PAK5: variants seen among roughly 807,000 people sequenced by gnomAD.
PAK5 encodes serine/threonine-protein kinase PAK 5.
PAK5 carries 16 observed loss-of-function variants against 65.9 expected under a neutral mutation model. The observed-to-expected ratio is 0.24, with a 90% CI of 0.16 to 0.37. The LOEUF (loss-of-function observed/expected upper bound fraction) is 0.37. Ranked by LOEUF, PAK5 falls within the 10% of genes least tolerant of loss-of-function variation. The pLI is 1.00. For missense variants in PAK5, 785 were observed against 903.9 expected (o/e 0.87, Z 1.69); for synonymous variants, 371 against 354.9 (o/e 1.05, Z -0.51).
rs529837674 is a variant in PAK5, at chr20:9,537,684, A to G, written c.*1778T>C. The G allele has an allele frequency of 1.4e-5, 3 of 220,094 alleles. No individual in the cohort carries two copies. The highest frequency in any genetic ancestry group is 6.7e-5 in the African/African-American group (3 of 44,620). 13.6% of individuals were successfully genotyped at this position (220,094 alleles called of 1,614,324 possible). On this transcript the variant is annotated 3_prime_UTR_variant, in exon 10 of 10. Transcript: ENST00000353224. ...TAAATTAATACAATCTGTCTCATGA[A>G]CATTTAGGACTGCCATTTTCTGGAT... is the stretch of plus-strand genomic sequence containing the variant.
chr20:9,694,779 T>C (rs2047846102), intron 2 of PAK5, among the ~76,000 whole-genome samples: 3 of 152,118 alleles, frequency 2.0e-5, no homozygotes, highest in African/African-American at 7.2e-5. Context: ...TACCATAATT[T>C]GTAAGTTCAT....
intron 2 of PAK5, among the ~76,000 whole-genome samples, chr20:9,675,746 C>CTTCTTTAGAAA (rs1185924800): frequency 3.9e-5 from 6 of 152,114 alleles, no homozygotes; most frequent in African/African-American, 1.4e-4. Context: ...AGGCATGTTT[C>CTTCTTTAGAAA]TAAAGAAGAA....
At chr20:9,744,429 T>C (rs2048484251) in intron 1 of PAK5, among the ~76,000 whole-genome samples, 2 of 152,326 alleles carry the variant, frequency 1.3e-5, no homozygotes, top group South Asian at 4.1e-4. Context: ...AAGAGCTAGA[T>C]CATTTAAGCT....
At chr20:9,679,997 C>T (rs2047628101) in intron 2 of PAK5, among the ~76,000 whole-genome samples, 1 of 152,154 alleles carries the variant, frequency 6.6e-6, no homozygotes, top group Non-Finnish European at 1.5e-5. Flanking sequence ...GTAATCTAGG[C>T]CTGTCCTCCT....
At position 9,825,780 on chromosome 20, in the gene PAK5, C is replaced by G. The variant is rs995329933; in HGVS notation, c.-162+12982G>C. ...CTAGGATAAAATTTTTAAAATGCAT[C>G]TTTCTAAAATGTCATTTGCGTTATA... is the stretch of plus-strand genomic sequence containing the variant. On this transcript the variant is annotated intron_variant, in intron 1 of 9. Coordinates refer to ENST00000353224, the MANE Select transcript of PAK5 (RefSeq NM_177990.4). 9.9e-5 allele frequency among the ~76,000 whole-genome samples: 15 copies of G among 151,994 alleles called. 1 individual carries two copies. Among genetic ancestry groups the G allele is most frequent in the Admixed American group, 9.2e-4 (14 of 15,242 alleles).
intron 1 of PAK5, among the ~76,000 whole-genome samples, chr20:9,785,437 T>C (rs2048982448): frequency 6.6e-6 from 1 of 152,218 alleles, no homozygotes; most frequent in African/African-American, 2.4e-5. Context: ...ATGTGCTAGC[T>C]CAACTGAAAG....
intron 1 of PAK5, among the ~76,000 whole-genome samples, chr20:9,757,309 T>C (rs959478485): frequency 9.2e-5 from 14 of 152,196 alleles, no homozygotes; most frequent in African/African-American, 2.9e-4. Context: ...CCTAACAACT[T>C]CTTAAAGCTG....
At chr20:9,793,110 A>G (rs937107254) in intron 1 of PAK5, among the ~76,000 whole-genome samples, 46 of 152,234 alleles carry the variant, frequency 3.0e-4, no homozygotes, top group African/African-American at 1.1e-3. Flanking sequence ...TATGTATCAC[A>G]TCAATACACT....
At chr20:9,675,233 T>C (rs938594718) in intron 2 of PAK5, among the ~76,000 whole-genome samples, 1 of 151,960 alleles carries the variant, frequency 6.6e-6, no homozygotes, top group African/African-American at 2.4e-5. Flanking sequence ...AAATGACAAG[T>C]TATGACAAAA....
chr20:9,699,012 G>T (rs1469488015), intron 2 of PAK5, among the ~76,000 whole-genome samples: 2 of 152,140 alleles, frequency 1.3e-5, no homozygotes, highest in African/African-American at 2.4e-5. Context: ...TTTCTATTTT[G>T]AGTAGTGATG....
At chr20:9,809,007 G>A (rs1448076718) in intron 1 of PAK5, among the ~76,000 whole-genome samples, 1 of 152,056 alleles carries the variant, frequency 6.6e-6, no homozygotes, top group Non-Finnish European at 1.5e-5. Flanking sequence ...TGTTACACTG[G>A]GTGGTAGGTA....
At chr20:9,557,499 T>A in intron 7 of PAK5, 109 bp downstream of exon 7, 1 of 887,996 alleles carries the variant, frequency 1.1e-6, no homozygotes, top group Non-Finnish European at 1.7e-6. Context: ...GTAGGTGACT[T>A]GTGACTAAGA....
chr20:9,789,149 C>T (rs2049023408), intron 1 of PAK5, among the ~76,000 whole-genome samples: 1 of 152,142 alleles, frequency 6.6e-6, no homozygotes, highest in Non-Finnish European at 1.5e-5. Flanking sequence ...AAAGGCAAGC[C>T]CTTGGTGACT....
chr20:9,641,210 G>A (rs1265776716), intron 3 of PAK5, among the ~76,000 whole-genome samples: 2 of 151,744 alleles, frequency 1.3e-5, no homozygotes, highest in African/African-American at 4.8e-5. Flanking sequence ...GTGTCGATTG[G>A]TGCACCCACA....
chr20:9,718,397 C>G (rs150813262), intron 1 of PAK5, among the ~76,000 whole-genome samples: 1 of 152,218 alleles, frequency 6.6e-6, no homozygotes, highest in Non-Finnish European at 1.5e-5. Flanking sequence ...GTATTACTCA[C>G]CCTTTCATCC....
At position 9,641,727 on chromosome 20, in the gene PAK5, C is replaced by T. The variant is rs1044251885; in HGVS notation, c.204+2398G>A. Among the ~76,000 whole-genome samples the T allele has an allele frequency of 1.4e-4, 22 of 152,246 alleles. No homozygotes were observed. The East Asian group carries it at 4.1e-3, about 28-fold the overall frequency. ...CATGGCGGGCTGCAGGTCCCAAGCC[C>T]TGCCCCGTGGGAAGGCAGCTAAGGC... is the stretch of plus-strand genomic sequence containing the variant. On this transcript the variant is annotated intron_variant, in intron 3 of 9. Coordinates refer to ENST00000353224, the MANE Select transcript of PAK5 (RefSeq NM_177990.4).
chr20:9,557,816 T>C, intron 6 of PAK5, 82 bp from the exon 7 acceptor site: 3 of 1,162,870 alleles, frequency 2.6e-6, no homozygotes, highest in Middle Eastern at 2.6e-4. Context: ...TCCCTTGTGC[T>C]TTAGTGAAAC....
rs2045227962 is a variant in PAK5 at position 9,539,622 on chromosome 20, G to A, written c.2005-5C>T. On this transcript the variant is annotated splice_polypyrimidine_tract_variant and splice_region_variant and intron_variant, in intron 9 of 9. Coordinates refer to ENST00000353224, the MANE Select transcript of PAK5 (RefSeq NM_177990.4). Reference sequence around the variant, plus strand: ...TCCCCGGAGCACTGAAGAAACCTGTGAAAACACACAGATACCAATCTGAGG... The same window carrying A: ...TCCCCGGAGCACTGAAGAAACCTGTAAAAACACACAGATACCAATCTGAGG... 2 of 1,612,496 alleles carry A rather than the reference G, an allele frequency of 1.2e-6. No individual in the cohort carries two copies. Among genetic ancestry groups the A allele is most frequent in the Admixed American group, 1.7e-5 (1 of 59,984 alleles).
intron 3 of PAK5, among the ~76,000 whole-genome samples, chr20:9,618,966 A>G (rs2046722015): frequency 9.3e-6 from 1 of 107,970 alleles, no homozygotes; most frequent in Admixed American, 1.5e-4. Context: ...ACTGTTGCCC[A>G]GGCTGGAGTG....
Sources: allele counts gnomAD v4.1 joint callset (sites outside exome capture counted in the v4.1 genomes callset), GRCh38; gene constraint gnomAD v4.1.1; transcripts MANE v1.5; gene names NCBI Gene and HGNC (gene_info 2026-07-23, HGNC 2026-07-21).